The following DACH1 variants were observed in gnomAD, a reference collection of about 807,000 sequenced individuals.
DACH1 encodes dachshund homolog 1.
Under a neutral mutation model 54.2 loss-of-function variants are expected in DACH1, and 12 were observed. The ratio of observed to expected loss-of-function variants is 0.22; its 90% CI spans 0.14 to 0.36. The LOEUF (loss-of-function observed/expected upper bound fraction) is 0.36, where lower values mean the gene tolerates loss of function less well. DACH1 is among the 10% of genes least tolerant of loss of function. DACH1 has a pLI of 1.00. For missense variants in DACH1, 805 were observed against 929.8 expected, an observed-to-expected ratio of 0.87 and a Z score of 1.75; for synonymous variants, 386 against 366.2, an observed-to-expected ratio of 1.05 and a Z score of -0.62.
chr13:71,751,293 A>G (rs1433675436), intron 1 of DACH1, among the ~76,000 whole-genome samples: 2 of 152,182 alleles, frequency 1.3e-5, no homozygotes, highest in East Asian at 3.9e-4. Flanking sequence ...TGTTTACTAT[A>G]ATAACATCAC....
At chr13:71,711,067 T>A (rs989966379) in intron 1 of DACH1, among the ~76,000 whole-genome samples, 1 of 152,122 alleles carries the variant, frequency 6.6e-6, no homozygotes, top group Non-Finnish European at 1.5e-5. Flanking sequence ...AAAACAGGAT[T>A]GCAAAGCCAT....
rs528217247 is a variant in DACH1, at chr13:71,860,800, A to G, written c.848+5122T>C. Among the ~76,000 whole-genome samples, 10 of 152,174 alleles carry G rather than the reference A, an allele frequency of 6.6e-5. No individual in the cohort carries two copies. The East Asian group carries it at 1.9e-3, about 29-fold the overall frequency. ...CAATTTAGTAAAATAACTTGGAAAG[A>G]TAAAATAATACTAATTGATAGTTAA... On this transcript the variant is annotated intron_variant, in intron 1 of 10. Transcript: ENST00000613252.
intron 3 of DACH1, among the ~76,000 whole-genome samples, chr13:71,577,496 G>A (rs936049068): frequency 3.3e-5 from 5 of 152,138 alleles, no homozygotes; most frequent in Admixed American, 3.3e-4. Context: ...GAAGAAGGTG[G>A]TTGTTCATGG....
chr13:71,683,370 G>T (rs1407433968), intron 1 of DACH1, among the ~76,000 whole-genome samples: 5 of 152,064 alleles, frequency 3.3e-5, no homozygotes, highest in African/African-American at 1.2e-4. Flanking sequence ...AGACAATTCT[G>T]AAGAAGAATT....
At chr13:71,833,680 A>G (rs1055527031) in intron 1 of DACH1, among the ~76,000 whole-genome samples, 4 of 151,988 alleles carry the variant, frequency 2.6e-5, no homozygotes, top group African/African-American at 9.7e-5. Context: ...TCATTCATCT[A>G]AACTTTTATA....
At position 71,654,337 on chromosome 13, in the gene DACH1, C is replaced by A. The variant is rs191414743; in HGVS notation, c.965-23620G>T. Among the ~76,000 whole-genome samples, 188 of 149,774 alleles carry A rather than the reference C, an allele frequency of 1.3e-3. 2 individuals are homozygous for A. In the East Asian group the frequency reaches 0.03, roughly 24 times the overall value. On this transcript the variant is annotated intron_variant, in intron 2 of 10. Transcript: ENST00000613252. ...CCCAGGAGATGGAGGTTGCAGTGAG[C>A]CGAGACTGCACCACCACACTCCAGC...
intron 1 of DACH1, among the ~76,000 whole-genome samples, chr13:71,755,461 C>T (rs1222757917): frequency 6.6e-6 from 1 of 152,156 alleles, no homozygotes; most frequent in Non-Finnish European, 1.5e-5. Flanking sequence ...AGTTAAATCT[C>T]TTCTTTCTGC....
At chr13:71,516,701 G>T (rs930535255) in intron 6 of DACH1, among the ~76,000 whole-genome samples, 1 of 151,694 alleles carries the variant, frequency 6.6e-6, no homozygotes, top group East Asian at 1.9e-4. Context: ...TACAACAGCC[G>T]CTCCCTGCCC....
intron 2 of DACH1, among the ~76,000 whole-genome samples, chr13:71,679,961 C>T (rs1425712510): frequency 7.4e-6 from 1 of 135,392 alleles, no homozygotes; most frequent in Non-Finnish European, 1.6e-5. Flanking sequence ...AAAAAAAAAA[C>T]GGAAAAGAGA....
intron 1 of DACH1, among the ~76,000 whole-genome samples, chr13:71,751,091 C>A (rs747105092): frequency 7.9e-5 from 12 of 152,118 alleles, no homozygotes; most frequent in Non-Finnish European, 1.5e-4. Flanking sequence ...TACCCAGAAC[C>A]CTTCTGTATG....
At chr13:71,483,999 C>A (rs117042751) in intron 7 of DACH1, among the ~76,000 whole-genome samples, 1,921 of 152,154 alleles carry the variant, frequency 0.013, 21 homozygotes, top group Non-Finnish European at 0.02. Context: ...AGAATGTATC[C>A]CCAGCATTAA....
At chr13:71,807,923 C>T (rs1887575014) in intron 1 of DACH1, among the ~76,000 whole-genome samples, 1 of 151,292 alleles carries the variant, frequency 6.6e-6, no homozygotes, top group African/African-American at 2.4e-5. Flanking sequence ...ACAGTTGTCT[C>T]TTGATTACTT....
At chr13:71,633,051 A>G (rs935628206) in intron 2 of DACH1, among the ~76,000 whole-genome samples, 2 of 152,156 alleles carry the variant, frequency 1.3e-5, no homozygotes, top group African/African-American at 4.8e-5. Flanking sequence ...CCCATCTCCA[A>G]TTTATGACTT....
chr13:71,538,698 A>T (rs1231734401), intron 6 of DACH1, among the ~76,000 whole-genome samples: 2 of 152,152 alleles, frequency 1.3e-5, no homozygotes, highest in East Asian at 3.9e-4. Flanking sequence ...TGCAAACAGC[A>T]TAGTACATTT....
At chr13:71,736,385 A>C (rs879515396) in intron 1 of DACH1, among the ~76,000 whole-genome samples, 1 of 152,214 alleles carries the variant, frequency 6.6e-6, no homozygotes, top group Non-Finnish European at 1.5e-5. Flanking sequence ...GGCCTTGAAC[A>C]TATGGGCAAT....
At chr13:71,740,786 T>C (rs1884347220) in intron 1 of DACH1, among the ~76,000 whole-genome samples, 1 of 152,182 alleles carries the variant, frequency 6.6e-6, no homozygotes, top group South Asian at 2.1e-4. Context: ...TTTGAACATG[T>C]TATCACATGA....
At chr13:71,734,160 CGT>C (rs1566466039) in intron 1 of DACH1, among the ~76,000 whole-genome samples, 23,784 of 136,258 alleles carry the variant, frequency 0.17, 8,585 homozygotes, top group African/African-American at 0.2. Context: ...ATCCCATATA[CGT>C]ATACCCCATA....
intron 6 of DACH1, among the ~76,000 whole-genome samples, chr13:71,502,481 C>T (rs1879999400): frequency 6.6e-6 from 1 of 152,168 alleles, no homozygotes; most frequent in South Asian, 2.1e-4. Flanking sequence ...CTATACTTCC[C>T]TTGTCGGAGC....
intron 8 of DACH1, among the ~76,000 whole-genome samples, chr13:71,477,955 G>T (rs1448619514): frequency 2.0e-5 from 3 of 152,112 alleles, no homozygotes; most frequent in Non-Finnish European, 2.9e-5. Context: ...GTTAACGAAA[G>T]AAAACAGAAT....
Sources: gnomAD v4.1 joint callset for allele counts (sites outside exome capture counted in the v4.1 genomes callset) on GRCh38, gnomAD v4.1.1 for gene constraint, MANE v1.5 for transcripts, NCBI Gene and HGNC (gene_info 2026-07-23, HGNC 2026-07-21) for gene names.